The following ZNF567 variants were observed in gnomAD, a reference collection of about 807,000 sequenced individuals.
The protein encoded by ZNF567 is zinc finger protein 567.
ZNF567 carries 36 observed loss-of-function variants against 53.9 expected under a neutral mutation model. The observed-to-expected ratio is 0.67, with a 90% CI of 0.51 to 0.88. The LOEUF is 0.88. Ranked by LOEUF, ZNF567 falls within the 40% of genes least tolerant of loss-of-function variation. ZNF567 has a pLI of 0.00. For synonymous variants in ZNF567, 224 were observed against 260.4 expected, an observed-to-expected ratio of 0.86 and a Z score of 1.35; for missense variants, 619 against 764.7, an observed-to-expected ratio of 0.81 and a Z score of 2.25.
chr19:36,719,737 A>T lies in ZNF567; in HGVS notation c.1013A>T (p.Glu338Val), dbSNP rs1207430913. ...QRTHTGEKSY[E>V]CLQCRNAFRL... The stretch of plus-strand genomic sequence containing the variant: ...ACACACACAGGGGAGAAATCGTATG[A>T]ATGTCTGCAATGTAGGAATGCCTTC... The change falls in exon 6 of 6, where the codon GAA (glutamate) becomes GTA (valine). Residue 338 changes from glutamate to valine, a missense_variant. Coordinates refer to ENST00000682579, the MANE Select transcript of ZNF567 (RefSeq NM_001322917.1). The T allele has an allele frequency of 1.2e-6, 2 of 1,614,024 alleles. No homozygotes were observed. The highest frequency in any genetic ancestry group is 1.7e-6 in the Non-Finnish European group (2 of 1,180,032).
the ZNF567 span, among the ~76,000 whole-genome samples, chr19:36,675,986 A>C: frequency 6.6e-6 from 1 of 150,624 alleles, no homozygotes; most frequent in East Asian, 2.0e-4. Context: ...ATAGCTGTAC[A>C]TATAATAACC....
Position 36,719,395 on chromosome 19 carries a change from G to C in ZNF567, c.671G>C (p.Gly224Ala), listed in dbSNP as rs192330763. The C allele has an allele frequency of 1.2e-6, 2 of 1,613,726 alleles. No homozygotes were observed. Among genetic ancestry groups the C allele is most frequent in the South Asian group, 2.2e-5 (2 of 91,058 alleles). Residue 224 changes from glycine to alanine, a missense_variant, in exon 6 of 6, where the codon GGC (glycine) becomes GCC (alanine). Gly to Ala is a moderately conservative substitution (Grantham distance 60). Coordinates refer to ENST00000682579, the MANE Select transcript of ZNF567 (RefSeq NM_001322917.1). ...DCEKSFLQRG[G>A]LITHSRPYKG... The stretch of plus-strand genomic sequence containing the variant: ...GAGAAATCATTCCTTCAAAGGGGAG[G>C]CCTGATTACACATAGTAGACCTTAC...
At chr19:36,676,273 C>G in the ZNF567 span, among the ~76,000 whole-genome samples, 1 of 151,496 alleles carries the variant, frequency 6.6e-6, no homozygotes. Flanking sequence ...ACCATATTGG[C>G]CAGGCTGGTC....
chr19:36,683,363 AC>A (rs1444494920), upstream of ZNF567, among the ~76,000 whole-genome samples: 2 of 151,934 alleles, frequency 1.3e-5, no homozygotes, highest in Non-Finnish European at 2.9e-5. Context: ...TGAGCTATAC[AC>A]CCTCAAAATA....
In ZNF567 at chr19:36,712,772, A is replaced by T; in HGVS notation, c.137-9A>T. ...CCCAATCAACTTAAGTCTTTTTTTC[A>T]CTTTTCAGGGTGTCACATGACCAAA... On this transcript the variant is annotated splice_polypyrimidine_tract_variant and intron_variant, in intron 4 of 5. Transcript: ENST00000682579. 1 of 1,609,508 alleles carries T rather than the reference A, an allele frequency of 6.2e-7. No individual in the cohort carries two copies. Among genetic ancestry groups the T allele is most frequent in the Non-Finnish European group, 8.5e-7 (1 of 1,178,550 alleles).
At chr19:36,668,579 G>A in the ZNF567 span, 1 of 152,290 alleles carries the variant, frequency 6.6e-6, no homozygotes, top group Non-Finnish European at 1.5e-5. Context: ...GGACCAGGGC[G>A]TCCTGAACCT....
intron 5 of ZNF567, among the ~76,000 whole-genome samples, chr19:36,715,856 A>C (rs1466139410): frequency 6.6e-6 from 1 of 152,142 alleles, no homozygotes; most frequent in African/African-American, 2.4e-5. Flanking sequence ...TTTCTACTAC[A>C]AAGTCAACTT....
At chr19:36,712,702 C>T (rs2039851575) in intron 4 of ZNF567, 79 bp from the exon 5 acceptor site, 2 of 1,422,766 alleles carry the variant, frequency 1.4e-6, no homozygotes, top group South Asian at 2.4e-5. Context: ...TCTTAATTTG[C>T]AGTACTGAAC....
At chr19:36,673,279 T>C in the ZNF567 span, among the ~76,000 whole-genome samples, 1 of 152,204 alleles carries the variant, frequency 6.6e-6, no homozygotes, top group South Asian at 2.1e-4. Context: ...GAGATGCTTA[T>C]GGGTACCAAG....
chr19:36,687,437 G>A (rs1467681081), upstream of ZNF567: 1 of 152,406 alleles, frequency 6.6e-6, no homozygotes, highest in Non-Finnish European at 1.5e-5. Context: ...CGCACTATGA[G>A]AATTTGGAAG....
the ZNF567 span, chr19:36,668,253 G>A: frequency 6.6e-6 from 1 of 152,332 alleles, no homozygotes; most frequent in Non-Finnish European, 1.5e-5. Context: ...GTGGTGAAAC[G>A]GTTTTGAGGC....
downstream of ZNF567, among the ~76,000 whole-genome samples, chr19:36,724,420 T>A (rs1374330746): frequency 1.3e-5 from 2 of 151,622 alleles, no homozygotes; most frequent in East Asian, 4.0e-4. Context: ...TGGTGGCTCA[T>A]GCCTGTAATC....
At chr19:36,679,172 G>C in the ZNF567 span, among the ~76,000 whole-genome samples, 25 of 152,058 alleles carry the variant, frequency 1.6e-4, no homozygotes, top group African/African-American at 5.8e-4. Flanking sequence ...TGTCGTCCCA[G>C]ATACTTGGGA....
chr19:36,703,305 C>T (rs1366859578), intron 3 of ZNF567, among the ~76,000 whole-genome samples: 3 of 151,966 alleles, frequency 2.0e-5, no homozygotes, highest in Admixed American at 1.3e-4. Flanking sequence ...CAGAGGAGTA[C>T]CCGGCCGTGT....
upstream of ZNF567, among the ~76,000 whole-genome samples, chr19:36,685,229 A>C (rs1302578706): frequency 6.6e-6 from 1 of 152,216 alleles, no homozygotes; most frequent in Non-Finnish European, 1.5e-5. Context: ...CGGAGGTTGC[A>C]GTAAGTCGAG....
downstream of ZNF567, among the ~76,000 whole-genome samples, chr19:36,722,797 A>G (rs2040315488): frequency 6.6e-6 from 1 of 152,220 alleles, no homozygotes; most frequent in Admixed American, 6.5e-5. Flanking sequence ...CATAGCAAAA[A>G]ATGAACAGGG....
At position 36,712,445 on chromosome 19, in the gene ZNF567, G is replaced by A. The variant is rs1220269048; in HGVS notation, c.69G>A (p.Leu23=). 6.2e-7 allele frequency: 1 copy of A among 1,613,976 alleles called. No homozygotes were observed. The highest frequency in any genetic ancestry group is 8.5e-7 in the Non-Finnish European group (1 of 1,179,968). Residue 23 remains leucine (L), a synonymous_variant, in exon 4 of 6, where the codon CTG becomes CTA. Transcript: ENST00000682579. ...VDFTQEEWQH[L]DHAQKTLYMD... ...TCACTCAGGAGGAGTGGCAGCACCT[G>A]GATCATGCTCAGAAGACTCTATATA...
intron 3 of ZNF567, among the ~76,000 whole-genome samples, chr19:36,697,934 TTTA>T (rs2038970949): frequency 6.7e-6 from 1 of 150,314 alleles, no homozygotes; most frequent in Non-Finnish European, 1.5e-5. Flanking sequence ...TTTTTTTTTT[TTTA>T]TTATACTTTA....
chr19:36,723,605 G>A (rs189913737), downstream of ZNF567, among the ~76,000 whole-genome samples: 344 of 152,290 alleles, frequency 2.3e-3, no homozygotes, highest in Non-Finnish European at 3.8e-3. Context: ...GGAGGCCAAG[G>A]TGGGCAGATC....
Sources: allele counts gnomAD v4.1 joint callset (sites outside exome capture counted in the v4.1 genomes callset), GRCh38; gene constraint gnomAD v4.1.1; transcripts MANE v1.5; gene names NCBI Gene and HGNC (gene_info 2026-07-23, HGNC 2026-07-21).